Variants in PCDH7 observed in about 807,000 individuals in gnomAD.
PCDH7 encodes protocadherin-7.
A neutral mutation model predicts 58.9 loss-of-function variants in PCDH7; 17 were observed. The ratio of observed to expected loss-of-function variants is 0.29; its 90% CI spans 0.20 to 0.43. PCDH7 has a LOEUF of 0.43. PCDH7 is among the 20% of genes least tolerant of loss of function. The pLI, the probability that PCDH7 is intolerant of heterozygous loss-of-function variation, is 1.00. For missense variants in PCDH7, 1,274 were observed against 1,441.0 expected, an observed-to-expected ratio of 0.88 and a Z score of 1.88; for synonymous variants, 664 against 616.4, an observed-to-expected ratio of 1.08 and a Z score of -1.14.
At chr4:30,821,430 C>T (rs1174936618) in intron 1 of PCDH7, among the ~76,000 whole-genome samples, 1 of 152,188 alleles carries the variant, frequency 6.6e-6, no homozygotes, top group Non-Finnish European at 1.5e-5. Flanking sequence ...ACAGTTGACT[C>T]ATGGTGTTTG....
At chr4:30,935,610 T>C (rs1745248541) in intron 2 of PCDH7, among the ~76,000 whole-genome samples, 1 of 152,098 alleles carries the variant, frequency 6.6e-6, no homozygotes, top group South Asian at 2.1e-4. Context: ...CACAGAGATA[T>C]TAATCAAGTA....
At chr4:30,921,885 G>A (rs747881479) in intron 2 of PCDH7, among the ~76,000 whole-genome samples, 6 of 151,848 alleles carry the variant, frequency 4.0e-5, no homozygotes, top group Non-Finnish European at 8.8e-5. Context: ...AATTACATAT[G>A]TAATTTGGAT....
chr4:30,898,056 T>C (rs1021946649), intron 1 of PCDH7, among the ~76,000 whole-genome samples: 4 of 152,204 alleles, frequency 2.6e-5, no homozygotes, highest in African/African-American at 9.7e-5. Flanking sequence ...AGTTAAGTTT[T>C]CCAATTTGCA....
intron 3 of PCDH7, among the ~76,000 whole-genome samples, chr4:31,049,116 G>A (rs1029728039): frequency 1.3e-5 from 2 of 151,918 alleles, no homozygotes; most frequent in South Asian, 2.1e-4. Flanking sequence ...ATCATTTAAC[G>A]TTAGGTATAT....
chr4:30,826,003 C>T (rs973671382), intron 1 of PCDH7, among the ~76,000 whole-genome samples: 3 of 152,070 alleles, frequency 2.0e-5, no homozygotes, highest in African/African-American at 7.2e-5. Flanking sequence ...TTTCTTCTTT[C>T]CTCCCTTTTT....
intron 3 of PCDH7, among the ~76,000 whole-genome samples, chr4:31,011,003 C>T (rs1212935293): frequency 6.6e-6 from 1 of 151,934 alleles, no homozygotes; most frequent in East Asian, 1.9e-4. Context: ...TCCCCTATAT[C>T]ACAATAGCAG....
At position 31,069,986 on chromosome 4, in the gene PCDH7, G is replaced by C. The variant is rs147050471; in HGVS notation, c.*8-72487G>C. 8.6e-3 allele frequency among the ~76,000 whole-genome samples: 1,310 copies of C among 151,994 alleles called. 13 individuals carry two copies. The highest frequency in any genetic ancestry group is 0.03 in the African/African-American group (1,255 of 41,480). Reference sequence around the variant, plus strand: ...CAATCTTTCACAGCCCAAATACTTTGAGTGCATTATTGAGATCTTTAGATT... The same window carrying C: ...CAATCTTTCACAGCCCAAATACTTTCAGTGCATTATTGAGATCTTTAGATT... On this transcript the variant is annotated intron_variant, in intron 3 of 3. Transcript: ENST00000509759.
chr4:30,774,831 A>C (rs1190300551), intron 1 of PCDH7, among the ~76,000 whole-genome samples: 3 of 152,190 alleles, frequency 2.0e-5, no homozygotes, highest in African/African-American at 7.2e-5. Context: ...CCTAACTGAT[A>C]GTATTTCTTA....
chr4:31,084,373 T>A (rs1362809622), intron 3 of PCDH7, among the ~76,000 whole-genome samples: 1 of 152,104 alleles, frequency 6.6e-6, no homozygotes, highest in Non-Finnish European at 1.5e-5. Context: ...AAATTTGAAA[T>A]TAGTTAAAAG....
At chr4:31,108,445 A>G (rs1387406205) in intron 3 of PCDH7, among the ~76,000 whole-genome samples, 1 of 150,106 alleles carries the variant, frequency 6.7e-6, no homozygotes, top group East Asian at 1.9e-4. Context: ...GAGACGGGGG[A>G]AACGAGTGCC....
intron 3 of PCDH7, among the ~76,000 whole-genome samples, chr4:30,986,618 G>A (rs866281770): frequency 4.0e-5 from 6 of 151,808 alleles, no homozygotes; most frequent in African/African-American, 1.5e-4. Context: ...TGACAAAGGT[G>A]ATCTTTGCAC....
intron 1 of PCDH7, among the ~76,000 whole-genome samples, chr4:30,746,911 A>G (rs1717851725): frequency 6.6e-6 from 1 of 152,052 alleles, no homozygotes; most frequent in Non-Finnish European, 1.5e-5. Flanking sequence ...GCCTATCCCC[A>G]TGTGAGGATT....
chr4:31,071,391 T>C (rs1758529832), intron 3 of PCDH7, among the ~76,000 whole-genome samples: 1 of 152,056 alleles, frequency 6.6e-6, no homozygotes, highest in African/African-American at 2.4e-5. Context: ...CAGTGTTTAA[T>C]TAAGAAAAAA....
chr4:30,846,889 C>T (rs561011557), intron 1 of PCDH7, among the ~76,000 whole-genome samples: 4 of 151,892 alleles, frequency 2.6e-5, no homozygotes, highest in Non-Finnish European at 4.4e-5. Context: ...TTTGGAAGGC[C>T]GAGACAGAAG....
intron 1 of PCDH7, among the ~76,000 whole-genome samples, chr4:30,775,490 T>A (rs764374230): frequency 1.4e-4 from 21 of 152,206 alleles, no homozygotes; most frequent in Non-Finnish European, 2.4e-4. Flanking sequence ...TCAAACATAT[T>A]TATTCTTACA....
chr4:31,052,798 G>A (rs1431957241), intron 3 of PCDH7, among the ~76,000 whole-genome samples: 1 of 152,130 alleles, frequency 6.6e-6, no homozygotes, highest in Non-Finnish European at 1.5e-5. Flanking sequence ...ACTTGTGTGA[G>A]ATTGAATTTC....
intron 1 of PCDH7, among the ~76,000 whole-genome samples, chr4:30,791,276 A>G (rs988263353): frequency 2.0e-5 from 3 of 152,220 alleles, no homozygotes; most frequent in Non-Finnish European, 4.4e-5. Context: ...TGGGTTTGAA[A>G]CGTGGTTCAT....
intron 3 of PCDH7, among the ~76,000 whole-genome samples, chr4:31,004,311 C>T (rs1039814553): frequency 1.3e-5 from 2 of 152,056 alleles, no homozygotes; most frequent in South Asian, 4.1e-4. Context: ...CAGGAAGAAG[C>T]CATACACACA....
At chr4:31,099,164 T>G (rs747240519) in intron 3 of PCDH7, among the ~76,000 whole-genome samples, 3 of 152,188 alleles carry the variant, frequency 2.0e-5, no homozygotes, top group Middle Eastern at 3.2e-3. Flanking sequence ...ATGAATACAA[T>G]CTGGCTAACA....
Sources: allele counts gnomAD v4.1 joint callset (sites outside exome capture counted in the v4.1 genomes callset), GRCh38; gene constraint gnomAD v4.1.1; transcripts MANE v1.5; gene names NCBI Gene and HGNC (gene_info 2026-07-23, HGNC 2026-07-21).